The following ZMAT1 variants were observed in gnomAD, a reference collection of about 807,000 sequenced individuals.
ZMAT1 encodes zinc finger matrin-type 1.
In ZMAT1, 11 loss-of-function variants were observed where a neutral mutation model predicts 18.5. The observed-to-expected ratio is 0.59, with a 90% CI of 0.37 to 0.98. The LOEUF (loss-of-function observed/expected upper bound fraction) is 0.98. Among genes scored for constraint, ZMAT1 ranks in the 50% least tolerant of loss-of-function variants. The pLI is 0.01. For synonymous variants in ZMAT1, 211 were observed against 176.4 expected (o/e 1.20, Z -1.55); for missense variants, 525 against 496.2 (o/e 1.06, Z -0.55).
rs1161232053 is a variant in ZMAT1, at chrX:101,929,456, T to TATATAC, written c.292+2260_292+2261insGTATAT. Among the ~76,000 whole-genome samples the TATATAC allele has an allele frequency of 1.6e-3, 140 of 85,433 alleles. 3 individuals carry two copies. Among genetic ancestry groups the TATATAC allele is most frequent in the African/African-American group, 4.4e-3 (105 of 23,722 alleles). The allele number at this position is 85,433 out of a possible 115,157, so 74.2% of individuals were successfully genotyped here. A position where few individuals can be genotyped will look rare whatever the true frequency, so the allele number is the denominator to read the frequency against. ...ATATATATATATATATATATATATATACACACAGAGAGAGAGAGAGAGAGA... is the reference window on the plus strand; with the variant it reads ...ATATATATATATATATATATATATATATATACACACACAGAGAGAGAGAGAGAGAGA... On this transcript the variant is annotated intron_variant, in intron 1 of 5. Coordinates refer to ENST00000651725, the MANE Select transcript of ZMAT1 (RefSeq NM_001394560.1).
Position 101,931,770 on chromosome X carries a change from G to A in ZMAT1, c.239C>T (p.Ala80Val). 1.3e-6 allele frequency: 1 copy of A among 770,171 alleles called. No individual in the cohort carries two copies. The highest frequency in any genetic ancestry group is 1.5e-6 in the Non-Finnish European group (1 of 650,785). 63.5% of individuals were successfully genotyped at this position (770,171 alleles called of 1,213,427 possible). The change falls in exon 1 of 6, where the codon GCG (alanine) becomes GTG (valine). Residue 80 changes from alanine to valine, a missense_variant. By Grantham distance (64) the Ala-to-Val change is moderately conservative. Transcript: ENST00000651725. ...GGFGGSTMAAAGRGGSSFKVD... is the reference protein window; with the variant it reads ...GGFGGSTMAAVGRGGSSFKVD... ...TTTAAAACTACTGCCCCCCCTCCCCGCCGCCGCCATAGTGGAGCCGCCAAA... is the reference window on the plus strand; with the variant it reads ...TTTAAAACTACTGCCCCCCCTCCCCACCGCCGCCATAGTGGAGCCGCCAAA...
At chrX:101,888,696 C>A (rs757556123) in intron 4 of ZMAT1, 4 of 111,598 alleles carry the variant, frequency 3.6e-5, no homozygotes, top group Non-Finnish European at 7.5e-5. Context: ...CACAAATTCA[C>A]AAATGTTCTT....
At chrX:101,894,068 T>TA (rs1384770997) in intron 4 of ZMAT1, among the ~76,000 whole-genome samples, 1 of 111,703 alleles carries the variant, frequency 9.0e-6, no homozygotes, top group East Asian at 2.8e-4. Flanking sequence ...TCAAACACTC[T>TA]AGTGGTTAAA....
At chrX:101,928,087 T>C (rs143033906) in intron 1 of ZMAT1, among the ~76,000 whole-genome samples, 2,043 of 112,344 alleles carry the variant, frequency 0.018, 20 homozygotes, top group Middle Eastern at 0.041. Context: ...GTATATAAAA[T>C]ACTATGAGCT....
rs372281616 is a variant in ZMAT1 at position 101,885,480 on chromosome X, C to T, written c.777-659G>A. On this transcript the variant is annotated intron_variant, in intron 5 of 5. Coordinates refer to ENST00000651725, the MANE Select transcript of ZMAT1 (RefSeq NM_001394560.1). ...AGTTAGAGGCTGTACTGCACTATGA[C>T]GGAACCTGTGAATAGCCACTGGACT... Among the ~76,000 whole-genome samples the T allele has an allele frequency of 1.4e-4, 15 of 110,076 alleles. 3 individuals carry two copies. Among genetic ancestry groups the T allele is most frequent in the Admixed American group, 3.9e-4 (4 of 10,274 alleles).
At chrX:101,921,255 T>C (rs1423995513) in intron 1 of ZMAT1, among the ~76,000 whole-genome samples, 1 of 111,759 alleles carries the variant, frequency 8.9e-6, no homozygotes, top group Non-Finnish European at 1.9e-5. Context: ...TCCAGACTAA[T>C]TAGAATCTCT....
At chrX:101,886,438 C>T (rs1926952713) in intron 5 of ZMAT1, among the ~76,000 whole-genome samples, 194 bp downstream of exon 5, 2 of 111,309 alleles carry the variant, frequency 1.8e-5, no homozygotes, top group African/African-American at 6.5e-5. Flanking sequence ...TGCCAGTACA[C>T]TATCATTACT....
At chrX:101,911,890 G>C (rs931851335) in intron 1 of ZMAT1, 45 of 1,206,753 alleles carry the variant, frequency 3.7e-5, no homozygotes, top group Non-Finnish European at 4.9e-5. Flanking sequence ...AGCATGAAAG[G>C]ACGCACACTG....
Position 101,883,579 on chromosome X carries a change from C to T in ZMAT1, c.2019G>A (p.Glu673=). 1 of 1,203,988 alleles carries T rather than the reference C, an allele frequency of 8.3e-7. No individual in the cohort carries two copies. The highest frequency in any genetic ancestry group is 1.1e-6 in the Non-Finnish European group (1 of 893,469). ...TCCTTTCTTCAACAGATTTCTTTTT[C>T]TCTTTCCTGTGCTTACGTTCTTCTT... The part of the protein sequence containing the change: ...SEKEERKHRK[E]KKKSVEERTE... Residue 673 remains glutamate, a synonymous_variant, in exon 6 of 6, where the codon GAG becomes GAA. Coordinates refer to ENST00000651725, the MANE Select transcript of ZMAT1 (RefSeq NM_001394560.1).
chrX:101,901,675 T>C (rs112238012), intron 2 of ZMAT1, among the ~76,000 whole-genome samples: 157 of 111,789 alleles, frequency 1.4e-3, no homozygotes, highest in Non-Finnish European at 2.5e-3. Context: ...CCTGATTTCC[T>C]TTCATGCTTT....
At chrX:101,907,676 AG>A (rs1928708123) in intron 1 of ZMAT1, among the ~76,000 whole-genome samples, 1 of 112,404 alleles carries the variant, frequency 8.9e-6, no homozygotes, top group South Asian at 3.7e-4. Context: ...AATGAAATCA[AG>A]AAAACAATAA....
At position 101,898,003 on chromosome X, in the gene ZMAT1, C is replaced by T. The variant is rs774920916; in HGVS notation, c.541G>A (p.Asp181Asn). 10 of 1,211,472 alleles carry T rather than the reference C, an allele frequency of 8.3e-6. No homozygotes were observed. Among genetic ancestry groups the T allele is most frequent in the South Asian group, 5.3e-5 (3 of 56,940 alleles). ...YEGVDKNKFC[D>N]LCNMMFSSPL... The stretch of plus-strand genomic sequence containing the variant: ...GAGCTAAACATCATGTTGCAGAGAT[C>T]ACAAAATTTGTTTTTGTCCACTCCT... Residue 181 changes from aspartate to asparagine, a missense_variant, in exon 4 of 6, where the codon GAT becomes AAT. Transcript: ENST00000651725.
intron 1 of ZMAT1, among the ~76,000 whole-genome samples, chrX:101,918,230 T>C (rs1929467306): frequency 9.0e-6 from 1 of 111,436 alleles, no homozygotes; most frequent in Non-Finnish European, 1.9e-5. Context: ...ACCCCATTCT[T>C]CATGATGTGC....
intron 4 of ZMAT1, among the ~76,000 whole-genome samples, chrX:101,891,714 G>C (rs1927416974): frequency 9.0e-6 from 1 of 111,070 alleles, no homozygotes; most frequent in African/African-American, 3.3e-5. Context: ...GAACAGGAGA[G>C]AGTGATGTCA....
Position 101,932,003 on chromosome X carries a change from C to A in ZMAT1, c.6G>T (p.Ala2=). ...GCGGGGTGACTGTGCTCGGCGCCGC[C>A]GCCATCGCAGCGAGGCGCGCGGACA... The part of the protein sequence containing the change: M[A]AAPSTVTPLA... Residue 2 remains alanine (A), a synonymous_variant, in exon 1 of 6, where the codon GCG becomes GCT. Coordinates refer to ENST00000651725, the MANE Select transcript of ZMAT1 (RefSeq NM_001394560.1). 1.3e-6 allele frequency: 1 copy of A among 767,126 alleles called. No individual in the cohort carries two copies. Among genetic ancestry groups the A allele is most frequent in the Non-Finnish European group, 1.5e-6 (1 of 647,844 alleles). The allele number at this position is 767,126 out of a possible 1,213,427, so 63.2% of individuals were successfully genotyped here.
At chrX:101,928,289 C>A (rs1177768426) in intron 1 of ZMAT1, among the ~76,000 whole-genome samples, 1 of 112,573 alleles carries the variant, frequency 8.9e-6, no homozygotes, top group Non-Finnish European at 1.9e-5. Context: ...TAGTGCCTGG[C>A]ACACACACAT....
intron 1 of ZMAT1, among the ~76,000 whole-genome samples, chrX:101,919,550 C>A (rs1381694501): frequency 9.0e-6 from 1 of 111,107 alleles, no homozygotes; most frequent in Non-Finnish European, 1.9e-5. Flanking sequence ...ATGAAATTGA[C>A]AATTTAGTAA....
At chrX:101,912,004 C>G in intron 1 of ZMAT1, 1 of 1,188,135 alleles carries the variant, frequency 8.4e-7, no homozygotes, top group Non-Finnish European at 1.1e-6. Context: ...CATATGTGTG[C>G]AGGGACTGTG....
chrX:101,931,345 A>C (rs956949283), intron 1 of ZMAT1: 5 of 583,749 alleles, frequency 8.6e-6, no homozygotes, highest in Non-Finnish European at 1.0e-5. Flanking sequence ...CAGCACTTCT[A>C]TCTTGCCTCC....
Sources: gnomAD v4.1 joint callset for allele counts (sites outside exome capture counted in the v4.1 genomes callset) on GRCh38, gnomAD v4.1.1 for gene constraint, MANE v1.5 for transcripts, NCBI Gene and HGNC (gene_info 2026-07-23, HGNC 2026-07-21) for gene names.